The following CCDC88C variants were observed in gnomAD, a reference collection of about 807,000 sequenced individuals.
CCDC88C encodes the protein coiled-coil and HOOK domain protein 88C, also known as protein Daple.
CCDC88C carries 131 observed loss-of-function variants against 198.8 expected under a neutral mutation model. The observed-to-expected ratio is 0.66, with a 90% CI of 0.57 to 0.76. The LOEUF (loss-of-function observed/expected upper bound fraction) is 0.76. Ranked by LOEUF, CCDC88C falls within the 30% of genes least tolerant of loss-of-function variation. The probability of loss-of-function intolerance (pLI) is 0.00; values close to 1 mark genes in which losing one functional copy is unlikely to be tolerated. For missense variants in CCDC88C, 2,553 were observed against 2,631.6 expected, an observed-to-expected ratio of 0.97 and a Z score of 0.65; for synonymous variants, 1,166 against 1,114.7, an observed-to-expected ratio of 1.05 and a Z score of -0.92.
intron 18 of CCDC88C, 110 bp from the exon 19 acceptor site, chr14:91,306,036 A>G (rs944460824): frequency 4.6e-6 from 5 of 1,084,888 alleles, no homozygotes; most frequent in Non-Finnish European, 6.7e-6. Flanking sequence ...TTGGGGGCCA[A>G]ATCGAGGGTC....
chr14:91,372,454 C>T (rs1462010847), intron 3 of CCDC88C, among the ~76,000 whole-genome samples: 1 of 144,064 alleles, frequency 6.9e-6, no homozygotes, highest in Non-Finnish European at 1.5e-5. Flanking sequence ...AGAAAAGCTC[C>T]AAGAAGGAGG....
At chr14:91,315,834 A>G (rs962509475) in intron 13 of CCDC88C, 47 bp from the exon 14 acceptor site, 4 of 1,587,394 alleles carry the variant, frequency 2.5e-6, no homozygotes, top group East Asian at 2.3e-5. Context: ...AGTCCTACGA[A>G]GTGAACCATG....
intron 23 of CCDC88C, among the ~76,000 whole-genome samples, chr14:91,291,359 A>G (rs1053982566): frequency 7.9e-5 from 12 of 152,200 alleles, no homozygotes; most frequent in Non-Finnish European, 1.6e-4. Context: ...AACAATCTGA[A>G]AACTCACGCT....
chr14:91,332,119 G>A (rs1398513742), intron 10 of CCDC88C, among the ~76,000 whole-genome samples: 1 of 152,206 alleles, frequency 6.6e-6, no homozygotes, highest in South Asian at 2.1e-4. Flanking sequence ...GGAGCAGAGA[G>A]AGGCCACATC....
chr14:91,389,753 G>A (rs1330585572), intron 3 of CCDC88C, among the ~76,000 whole-genome samples: 2 of 148,096 alleles, frequency 1.4e-5, no homozygotes, highest in Non-Finnish European at 3.0e-5. Context: ...GAAAAAGAAC[G>A]AAAGAAAGAA....
chr14:91,299,261 T>C (rs1170592020), intron 21 of CCDC88C, among the ~76,000 whole-genome samples: 1 of 152,224 alleles, frequency 6.6e-6, no homozygotes, highest in African/African-American at 2.4e-5. Flanking sequence ...GTAAGGCACA[T>C]CACAGCCACC....
In CCDC88C at chr14:91,416,774, A is replaced by G; in HGVS notation, c.125T>C (p.Val42Ala). 1.9e-6 allele frequency: 3 copies of G among 1,613,702 alleles called. No individual in the cohort carries two copies. The highest frequency in any genetic ancestry group is 2.2e-5 in the East Asian group (1 of 44,880). ...AATTTGGTTCAAAAAGATGCCGTCC[A>G]CTAAATCCATGTACATAGTCAGGTT... ...QDNLTMYMDL[V>A]DGIFLNQIML... is the part of the protein sequence containing the mutation. The change falls in exon 2 of 30, where the codon GTG becomes GCG. Residue 42 changes from valine (V) to alanine (A), a missense_variant. Physicochemically the swap from Val to Ala is moderately conservative, Grantham distance 64. Around this residue, in one of 2 missense-constraint regions of CCDC88C, gnomAD observed 1,260 missense variants for 1,412.0 expected, o/e 0.89. Transcript: ENST00000389857.
In CCDC88C at chr14:91,314,740, C is replaced by A. The variant is rs537385225; in HGVS notation, c.1666-590G>T. ...GTCACCTGGAAGTGTGCCTTCCTGG[C>A]TGTGAGCAACATCTGGGCAGGGCCC... On this transcript the variant is annotated intron_variant, in intron 14 of 29. Coordinates refer to ENST00000389857, the MANE Select transcript of CCDC88C (RefSeq NM_001080414.4). 2.6e-5 allele frequency among the ~76,000 whole-genome samples: 4 copies of A among 152,364 alleles called. No homozygotes were observed. The East Asian group carries it at 7.7e-4, about 29-fold the overall frequency.
intron 13 of CCDC88C, among the ~76,000 whole-genome samples, chr14:91,316,079 C>A (rs17127227): frequency 0.014 from 2,184 of 152,334 alleles, 50 homozygotes; most frequent in African/African-American, 0.05. Flanking sequence ...GGGGGTTTCA[C>A]ACGCACCCAG....
At chr14:91,398,996 G>A (rs985367646) in intron 3 of CCDC88C, among the ~76,000 whole-genome samples, 1 of 152,174 alleles carries the variant, frequency 6.6e-6, no homozygotes, top group Non-Finnish European at 1.5e-5. Context: ...GTGTGCTGGT[G>A]CCCTCTCTCC....
chr14:91,298,684 C>A (rs1052454480), intron 21 of CCDC88C, among the ~76,000 whole-genome samples: 1 of 152,244 alleles, frequency 6.6e-6, no homozygotes, highest in African/African-American at 2.4e-5. Context: ...AGCCGATTCT[C>A]TGCTGCCCTT....
intron 3 of CCDC88C, among the ~76,000 whole-genome samples, chr14:91,365,653 T>C (rs571822590): frequency 6.6e-6 from 1 of 152,300 alleles, no homozygotes; most frequent in African/African-American, 2.4e-5. Context: ...CTCAAGTACC[T>C]TAAATGACAT....
At chr14:91,398,647 AC>A (rs1885989646) in intron 3 of CCDC88C, among the ~76,000 whole-genome samples, 1 of 152,122 alleles carries the variant, frequency 6.6e-6, no homozygotes, top group African/African-American at 2.4e-5. Context: ...ACAGAGTGAG[AC>A]CCTGTCTCAA....
intron 25 of CCDC88C, chr14:91,285,563 G>A: frequency 9.6e-7 from 1 of 1,043,368 alleles, no homozygotes; most frequent in Non-Finnish European, 1.3e-6. Flanking sequence ...CAGGAGGAGG[G>A]GTCCGCTATC....
At chr14:91,292,613 G>C (rs981598441) in intron 23 of CCDC88C, among the ~76,000 whole-genome samples, 1 of 152,090 alleles carries the variant, frequency 6.6e-6, no homozygotes, top group African/African-American at 2.4e-5. Context: ...GCACACCAGT[G>C]TTCACTGTGA....
chr14:91,333,715 G>A (rs776845184), intron 10 of CCDC88C, among the ~76,000 whole-genome samples: 27 of 152,220 alleles, frequency 1.8e-4, no homozygotes, highest in Non-Finnish European at 2.6e-4. Context: ...GAGAGGGCCT[G>A]TAAAATGCAG....
chr14:91,396,438 G>A (rs1885849383), intron 3 of CCDC88C, among the ~76,000 whole-genome samples: 1 of 152,120 alleles, frequency 6.6e-6, no homozygotes, highest in Non-Finnish European at 1.5e-5. Context: ...TGTCCATAAA[G>A]TGAGCTGTGT....
At position 91,299,970 on chromosome 14, in the gene CCDC88C, G is replaced by A; in HGVS notation, c.3736C>T (p.Leu1246Phe). 1.3e-6 allele frequency: 2 copies of A among 1,594,458 alleles called. No individual in the cohort carries two copies. The highest frequency in any genetic ancestry group is 1.7e-6 in the Non-Finnish European group (2 of 1,171,770). The change falls in exon 21 of 30, where the codon CTC becomes TTC. Residue 1246 changes from leucine to phenylalanine, a missense_variant. By Grantham distance (22) the Leu-to-Phe change is conservative (BLOSUM62 0). Around this residue, in one of 2 missense-constraint regions of CCDC88C, gnomAD observed 1,293 missense variants for 1,219.6 expected, o/e 1.06. Transcript: ENST00000389857. ...AGCCTCTGGTTCTCGCCCATGGCGA[G>A]GGCGTTTGTCCTCTGCTCCTGCTGC... ...ALQQEQRTNA[L>F]AMGENQRLRG...
intron 3 of CCDC88C, chr14:91,379,739 G>C (rs1390708731): frequency 3.0e-6 from 2 of 677,278 alleles, no homozygotes; most frequent in African/African-American, 1.8e-5. Flanking sequence ...TCCATGGCCA[G>C]GCCTGGCAGC....
Sources: allele counts gnomAD v4.1 joint callset (sites outside exome capture counted in the v4.1 genomes callset), GRCh38; gene constraint gnomAD v4.1.1; regional missense constraint gnomAD v4.1.1; transcripts MANE v1.5; gene names NCBI Gene and HGNC (gene_info 2026-07-23, HGNC 2026-07-21).